NAV1: variants seen among roughly 807,000 people sequenced by gnomAD.
NAV1 encodes the protein neuron navigator 1.
In NAV1, 18 loss-of-function variants were observed where a neutral mutation model predicts 175.2. That is an observed-to-expected ratio of 0.10 (90% CI 0.07 to 0.15). The LOEUF is 0.15. Ranked by LOEUF, NAV1 falls within the 10% of genes least tolerant of loss-of-function variation. The pLI is 1.00. For synonymous variants in NAV1, 897 were observed against 978.7 expected (o/e 0.92, Z 1.56); for missense variants, 1,731 against 2,436.6 (o/e 0.71, Z 6.10).
intron 2 of NAV1, among the ~76,000 whole-genome samples, chr1:201,717,881 T>C (rs1444831191): frequency 6.6e-6 from 1 of 152,158 alleles, no homozygotes; most frequent in African/African-American, 2.4e-5. Context: ...GACACACCAT[T>C]AACAAAATGA....
chr1:201,553,718 A>T (rs950631725), intron 1 of NAV1, among the ~76,000 whole-genome samples: 11 of 152,116 alleles, frequency 7.2e-5, no homozygotes, highest in African/African-American at 2.7e-4. Context: ...ATCATCATAG[A>T]TTAGTTTTGC....
At chr1:201,752,108 A>C (rs549431395) in intron 3 of NAV1, among the ~76,000 whole-genome samples, 2 of 152,304 alleles carry the variant, frequency 1.3e-5, no homozygotes, top group East Asian at 3.9e-4. Flanking sequence ...AAACCTTCAG[A>C]GCCCTCAACA....
At chr1:201,660,822 G>A (rs1288623811) in intron 1 of NAV1, among the ~76,000 whole-genome samples, 1 of 152,194 alleles carries the variant, frequency 6.6e-6, no homozygotes, top group East Asian at 1.9e-4. Flanking sequence ...GGAGTCCTGG[G>A]GGCCCCCTGT....
At chr1:201,648,404 C>T (rs540167964) in exon 1 of NAV1, 83 of 1,209,982 alleles carry the variant, frequency 6.9e-5, no homozygotes, top group African/African-American at 2.4e-4. Flanking sequence ...CCCTTTTCCT[C>T]CGACCCCGCC....
intron 1 of NAV1, among the ~76,000 whole-genome samples, chr1:201,576,973 GTTTGGTT>G (rs1666709158): frequency 6.6e-6 from 1 of 152,020 alleles, no homozygotes; most frequent in Admixed American, 6.6e-5. Context: ...TAATTGAATT[GTTTGGTT>G]TTTGGTGAGT....
intron 1 of NAV1, among the ~76,000 whole-genome samples, chr1:201,698,362 C>T (rs969231800): frequency 2.0e-5 from 3 of 152,254 alleles, no homozygotes; most frequent in Non-Finnish European, 2.9e-5. Context: ...CTGCAAGCTC[C>T]CTGAGGGCAG....
At chr1:201,554,922 G>A (rs1356175545) in intron 1 of NAV1, among the ~76,000 whole-genome samples, 1 of 152,102 alleles carries the variant, frequency 6.6e-6, no homozygotes, top group Admixed American at 6.6e-5. Context: ...CTCTTCTAGT[G>A]TCCGGTGCTT....
At position 201,750,741 on chromosome 1, in the gene NAV1, A is replaced by C. The variant is rs958729158; in HGVS notation, c.1227-29680A>C. Among the ~76,000 whole-genome samples the C allele has an allele frequency of 5.3e-5, 8 of 151,894 alleles. No individual in the cohort carries two copies. The highest frequency in any genetic ancestry group is 7.4e-5 in the Non-Finnish European group (5 of 67,952). On this transcript the variant is annotated intron_variant, in intron 3 of 29. Coordinates refer to ENST00000367296, the Ensembl canonical transcript of NAV1. The surrounding 1 kb of genome is among the most constrained non-coding windows in gnomAD (Gnocchi z 4.1). ...ATGCCCAGAGGGGCTGTCACCTCCCAATCTCAGAAAGGCAGGCAGGAATTT... is the reference window on the plus strand; with the variant it reads ...ATGCCCAGAGGGGCTGTCACCTCCCCATCTCAGAAAGGCAGGCAGGAATTT...
At chr1:201,777,980 C>G (rs1161997971) in intron 3 of NAV1, among the ~76,000 whole-genome samples, 3 of 152,056 alleles carry the variant, frequency 2.0e-5, no homozygotes, top group Admixed American at 2.0e-4. Context: ...AAACTATGCT[C>G]TCTTCAGTGG....
chr1:201,739,432 A>G (rs1673259947), intron 3 of NAV1: 1 of 152,272 alleles, frequency 6.6e-6, no homozygotes, highest in Non-Finnish European at 1.5e-5. Context: ...CCATGCTCCG[A>G]TTTTTAGAAA....
At chr1:201,671,604 G>A (rs552720759) in intron 1 of NAV1, among the ~76,000 whole-genome samples, 2 of 152,346 alleles carry the variant, frequency 1.3e-5, no homozygotes, top group South Asian at 4.1e-4. Flanking sequence ...TCAAAAAGCT[G>A]TGCGGAGGAC....
intron 3 of NAV1, among the ~76,000 whole-genome samples, chr1:201,734,486 GA>G (rs1453370690): frequency 2.8e-5 from 3 of 108,704 alleles, no homozygotes; most frequent in South Asian, 3.1e-4. Context: ...GGAGGAGGAG[GA>G]AGAAGGAGAA....
At chr1:201,777,877 A>T (rs973146665) in intron 3 of NAV1, among the ~76,000 whole-genome samples, 1 of 152,082 alleles carries the variant, frequency 6.6e-6, no homozygotes, top group African/African-American at 2.4e-5. Flanking sequence ...GAAGGCTGCA[A>T]TGAGCTGAGA....
At chr1:201,761,458 A>G (rs1322769360) in intron 3 of NAV1, among the ~76,000 whole-genome samples, 1 of 152,208 alleles carries the variant, frequency 6.6e-6, no homozygotes, top group East Asian at 1.9e-4. Flanking sequence ...AGAGTTGCAC[A>G]GATTTCTCAG....
chr1:201,712,991 C>T (rs1475944852), intron 2 of NAV1, 72 bp downstream of exon 6: 36 of 1,134,080 alleles, frequency 3.2e-5, no homozygotes, highest in Non-Finnish European at 4.5e-5. Flanking sequence ...GAGGGCAGGG[C>T]CCCCGGGTCC....
chr1:201,790,802 T>G, intron 13 of NAV1, 36 bp downstream of exon 17: 4 of 1,607,262 alleles, frequency 2.5e-6, no homozygotes, highest in Non-Finnish European at 3.4e-6. Context: ...TCAAGGCAGT[T>G]ATTTTGACTA....
chr1:201,662,750 C>T (rs1483171352), intron 1 of NAV1, among the ~76,000 whole-genome samples: 2 of 152,200 alleles, frequency 1.3e-5, no homozygotes, highest in Non-Finnish European at 1.5e-5. Context: ...CTTCCTCACC[C>T]TAACCACCAT....
exon 5 of NAV1, chr1:201,781,116 C>T (rs1676298572): frequency 6.2e-7 from 1 of 1,614,032 alleles, no homozygotes; most frequent in East Asian, 2.2e-5. Flanking sequence ...ACAGTGGTAG[C>T]CTGAAGATGG....
At chr1:201,626,973 TTCC>T (rs1668346456) in intron 1 of NAV1, among the ~76,000 whole-genome samples, 1 of 152,242 alleles carries the variant, frequency 6.6e-6, no homozygotes, top group African/African-American at 2.4e-5. Flanking sequence ...AAAGCCTGCC[TTCC>T]TCAATGTTTC....
Sources: gnomAD v4.1 joint callset for allele counts (sites outside exome capture counted in the v4.1 genomes callset) on GRCh38, gnomAD v4.1.1 for gene constraint, Gnocchi (gnomAD v3.1) non-coding constraint, MANE v1.5 for transcripts, NCBI Gene and HGNC (gene_info 2026-07-23, HGNC 2026-07-21) for gene names.